The following MOB3B variants were observed in gnomAD, a reference collection of about 807,000 sequenced individuals.
MOB3B encodes MOB kinase activator 3B, also known as MOB kinase activator-like 2B.
In MOB3B, 7 loss-of-function variants were observed where a neutral mutation model predicts 18.7. The ratio of observed to expected loss-of-function variants is 0.37; its 90% CI spans 0.21 to 0.70. The LOEUF is 0.70. MOB3B is among the 30% of genes least tolerant of loss of function. MOB3B has a pLI of 0.52. For synonymous variants in MOB3B, 111 were observed against 99.9 expected (o/e 1.11, Z -0.66); for missense variants, 253 against 281.3 (o/e 0.90, Z 0.72).
chr9:27,518,762 G>C (rs1342907846), intron 1 of MOB3B, among the ~76,000 whole-genome samples: 1 of 152,136 alleles, frequency 6.6e-6, no homozygotes, highest in Non-Finnish European at 1.5e-5. Flanking sequence ...CAGCAAAAGG[G>C]GGTGGTGGAG....
intron 2 of MOB3B, among the ~76,000 whole-genome samples, chr9:27,401,461 C>T (rs114417464): frequency 2.3e-4 from 35 of 152,290 alleles, no homozygotes; most frequent in South Asian, 1.0e-3. Flanking sequence ...CCTGTGTCAA[C>T]GACAGGTGGG....
intron 2 of MOB3B, among the ~76,000 whole-genome samples, chr9:27,446,338 G>T (rs573189617): frequency 2.0e-5 from 3 of 152,126 alleles, no homozygotes; most frequent in Non-Finnish European, 4.4e-5. Context: ...GTTATGCTGG[G>T]TGCTGCATCC....
At chr9:27,387,987 T>C (rs1169963356) in intron 2 of MOB3B, among the ~76,000 whole-genome samples, 2 of 152,066 alleles carry the variant, frequency 1.3e-5, no homozygotes, top group Non-Finnish European at 2.9e-5. Flanking sequence ...CATTTTTGCT[T>C]GTCATAATTG....
intron 1 of MOB3B, among the ~76,000 whole-genome samples, chr9:27,458,152 T>A (rs936010194): frequency 1.3e-5 from 2 of 152,188 alleles, no homozygotes; most frequent in Non-Finnish European, 2.9e-5. Context: ...GCTCTTCTAT[T>A]AATCTGATAA....
chr9:27,478,389 C>T (rs954439603), intron 1 of MOB3B, among the ~76,000 whole-genome samples: 20 of 151,564 alleles, frequency 1.3e-4, no homozygotes, highest in African/African-American at 4.1e-4. Flanking sequence ...AAGCTAATTA[C>T]GTTTAAAAGT....
chr9:27,508,311 G>A (rs188908543), intron 1 of MOB3B, among the ~76,000 whole-genome samples: 2 of 152,146 alleles, frequency 1.3e-5, no homozygotes, highest in East Asian at 3.9e-4. Flanking sequence ...AAACTGAAAA[G>A]GTTTTATAAA....
intron 1 of MOB3B, among the ~76,000 whole-genome samples, chr9:27,482,808 T>C (rs1819680830): frequency 1.3e-5 from 2 of 152,184 alleles, no homozygotes; most frequent in South Asian, 2.1e-4. Context: ...TGCAAAAATT[T>C]GTGTAATGAG....
At chr9:27,393,286 A>T (rs1821753733) in intron 2 of MOB3B, among the ~76,000 whole-genome samples, 1 of 152,110 alleles carries the variant, frequency 6.6e-6, no homozygotes, top group Admixed American at 6.6e-5. Context: ...CCAGGTGATT[A>T]TTTGTAGAGG....
intron 1 of MOB3B, among the ~76,000 whole-genome samples, chr9:27,459,199 C>T (rs1819240212): frequency 6.6e-6 from 1 of 152,136 alleles, no homozygotes. Flanking sequence ...ACTTACTTTC[C>T]CAGCCCAGAG....
At chr9:27,334,164 G>T (rs559492824) in intron 3 of MOB3B, among the ~76,000 whole-genome samples, 1 of 152,084 alleles carries the variant, frequency 6.6e-6, no homozygotes, top group Non-Finnish European at 1.5e-5. Context: ...TATTCAAATT[G>T]TATAACAGGA....
intron 2 of MOB3B, among the ~76,000 whole-genome samples, chr9:27,386,888 G>A (rs1273309665): frequency 6.6e-6 from 1 of 152,182 alleles, no homozygotes; most frequent in Non-Finnish European, 1.5e-5. Flanking sequence ...AGAAGTGTGA[G>A]CTCTCATCCC....
intron 3 of MOB3B, among the ~76,000 whole-genome samples, chr9:27,351,988 C>A (rs543585229): frequency 3.3e-5 from 5 of 152,158 alleles, no homozygotes; most frequent in Non-Finnish European, 5.9e-5. Context: ...CACCTACACA[C>A]TGGGGGTGGG....
At chr9:27,426,577 C>T (rs1313932253) in intron 2 of MOB3B, among the ~76,000 whole-genome samples, 1 of 152,180 alleles carries the variant, frequency 6.6e-6, no homozygotes, top group Admixed American at 6.5e-5. Flanking sequence ...AGCGTCATGG[C>T]CATTGCCTGT....
intron 2 of MOB3B, among the ~76,000 whole-genome samples, chr9:27,452,857 A>C (rs1030057643): frequency 6.6e-6 from 1 of 152,216 alleles, no homozygotes; most frequent in Non-Finnish European, 1.5e-5. Flanking sequence ...AATGGTGATT[A>C]CCAGAAGCTG....
At chr9:27,513,962 A>G (rs1434528934) in intron 1 of MOB3B, among the ~76,000 whole-genome samples, 1 of 152,042 alleles carries the variant, frequency 6.6e-6, no homozygotes, top group African/African-American at 2.4e-5. Flanking sequence ...AACATGCAGT[A>G]GATACTTTCT....
chr9:27,418,515 T>C (rs576767960), intron 2 of MOB3B, among the ~76,000 whole-genome samples: 1 of 152,110 alleles, frequency 6.6e-6, no homozygotes, highest in Non-Finnish European at 1.5e-5. Flanking sequence ...ATACCAGAGA[T>C]ACAGGGATGG....
chr9:27,333,282 A>T (rs1820814722), intron 3 of MOB3B, among the ~76,000 whole-genome samples: 1 of 152,188 alleles, frequency 6.6e-6, no homozygotes, highest in South Asian at 2.1e-4. Context: ...AGTTGGATCC[A>T]TCCTTCAAAG....
chr9:27,388,947 A>G (rs1049360120), intron 2 of MOB3B, among the ~76,000 whole-genome samples: 4 of 152,150 alleles, frequency 2.6e-5, no homozygotes, highest in Non-Finnish European at 5.9e-5. Flanking sequence ...TGACCACTGT[A>G]AACAACTTTC....
chr9:27,398,077 T>C (rs191862917), intron 2 of MOB3B, among the ~76,000 whole-genome samples: 1 of 152,216 alleles, frequency 6.6e-6, no homozygotes, highest in Admixed American at 6.5e-5. Context: ...GAATCCCAGA[T>C]CAGCATTCTG....
Sources: allele counts gnomAD v4.1 joint callset (sites outside exome capture counted in the v4.1 genomes callset), GRCh38; gene constraint gnomAD v4.1.1; transcripts MANE v1.5; gene names NCBI Gene and HGNC (gene_info 2026-07-23, HGNC 2026-07-21).